CCDC7: variants seen among roughly 807,000 people sequenced by gnomAD.
CCDC7 encodes coiled-coil domain containing 7.
Under a neutral mutation model 196.9 loss-of-function variants are expected in CCDC7, and 183 were observed. The observed-to-expected ratio is 0.93, with a 90% CI of 0.82 to 1.05. The LOEUF is 1.05. CCDC7 is among the 50% of genes least tolerant of loss of function. CCDC7 has a pLI of 0.00. For synonymous variants in CCDC7, 525 were observed against 484.6 expected (o/e 1.08, Z -1.10); for missense variants, 1,540 against 1,482.2 (o/e 1.04, Z -0.64).
intron 28 of CCDC7, among the ~76,000 whole-genome samples, chr10:32,769,597 C>T (rs1435212148): frequency 6.6e-6 from 1 of 152,080 alleles, no homozygotes; most frequent in East Asian, 1.9e-4. Context: ...CCGTCATCTA[C>T]ATTAGGTATT....
intron 25 of CCDC7, chr10:32,725,500 T>C: frequency 2.3e-6 from 1 of 425,912 alleles, no homozygotes; most frequent in African/African-American, 2.1e-5. Context: ...ATTGAATTAA[T>C]TTTATTTTTA....
At chr10:32,569,696 G>T (rs1387906184) in intron 15 of CCDC7, among the ~76,000 whole-genome samples, 1 of 152,080 alleles carries the variant, frequency 6.6e-6, no homozygotes, top group African/African-American at 2.4e-5. Flanking sequence ...CCAAAATGCT[G>T]GGATTACAGG....
rs117607356 is a variant in CCDC7 at position 32,480,023 on chromosome 10, G to T, written c.796+6000G>T. Among the ~76,000 whole-genome samples, 834 of 151,794 alleles carry T rather than the reference G, an allele frequency of 5.5e-3. 4 individuals carry two copies. The highest frequency in any genetic ancestry group is 9.4e-3 in the Non-Finnish European group (639 of 67,872). On this transcript the variant is annotated intron_variant, in intron 8 of 41. Transcript: ENST00000639629. ...ATGTTCACAGTAGTCTTTATCCTTT[G>T]TATTTTTGTGGTATCAGTTATTATG...
rs137860408 is a variant in CCDC7 at position 32,827,541 on chromosome 10, G to A, written c.3268+2937G>A. 8.1e-4 allele frequency among the ~76,000 whole-genome samples: 123 copies of A among 151,772 alleles called. 1 individual carries two copies. Among genetic ancestry groups the A allele is most frequent in the African/African-American group, 2.7e-3 (111 of 41,382 alleles). ...CTCTGACCAAGGCACTCAATTTACGGCTAAAGAAGTGCGGCAGTAGCGTGT... is the reference window on the plus strand; with the variant it reads ...CTCTGACCAAGGCACTCAATTTACGACTAAAGAAGTGCGGCAGTAGCGTGT... On this transcript the variant is annotated intron_variant, in intron 32 of 41. Transcript: ENST00000639629.
At chr10:32,613,594 G>C (rs1428895431) in intron 18 of CCDC7, among the ~76,000 whole-genome samples, 1 of 152,170 alleles carries the variant, frequency 6.6e-6, no homozygotes, top group Admixed American at 6.5e-5. Flanking sequence ...CTGTGTCCCA[G>C]AGATTCTGGT....
chr10:32,542,056 C>T (rs1474654855), intron 11 of CCDC7, among the ~76,000 whole-genome samples: 2 of 152,168 alleles, frequency 1.3e-5, no homozygotes, highest in African/African-American at 4.8e-5. Flanking sequence ...TCACTAGCCC[C>T]TTTTGTTTCT....
chr10:32,601,153 A>G lies in CCDC7; in HGVS notation c.1801+16849A>G, dbSNP rs189434698. Among the ~76,000 whole-genome samples, 343 of 152,244 alleles carry G rather than the reference A, an allele frequency of 2.3e-3. 2 individuals carry two copies. The highest frequency in any genetic ancestry group is 4.5e-3 in the Admixed American group (69 of 15,286). ...AGTAGCATGATCTCCGCTCACTGCA[A>G]CCTCTGCCCCTGAGGTTCAAGTGAT... is the stretch of plus-strand genomic sequence containing the variant. On this transcript the variant is annotated intron_variant, in intron 18 of 41. Coordinates refer to ENST00000639629, the Ensembl canonical transcript of CCDC7.
intron 24 of CCDC7, among the ~76,000 whole-genome samples, chr10:32,702,281 A>G (rs949011710): frequency 9.2e-5 from 14 of 152,100 alleles, no homozygotes; most frequent in African/African-American, 3.1e-4. Context: ...TTGTGTACCT[A>G]GTAGTCATTC....
chr10:32,590,281 A>G (rs1281299125), intron 18 of CCDC7, among the ~76,000 whole-genome samples: 1 of 152,028 alleles, frequency 6.6e-6, no homozygotes, highest in Admixed American at 6.6e-5. Flanking sequence ...CATATAACCC[A>G]TTATTTTAAA....
At chr10:32,791,548 C>A (rs2082701752) in intron 29 of CCDC7, among the ~76,000 whole-genome samples, 1 of 150,640 alleles carries the variant, frequency 6.6e-6, no homozygotes, top group Non-Finnish European at 1.5e-5. Context: ...AGGAGATAAA[C>A]AGAAATCTTG....
chr10:32,690,668 T>G (rs1055981636), intron 23 of CCDC7, among the ~76,000 whole-genome samples: 2 of 152,200 alleles, frequency 1.3e-5, no homozygotes, highest in Non-Finnish European at 2.9e-5. Flanking sequence ...ACAACAGCCT[T>G]TCTGTTTCTT....
At chr10:32,853,364 T>G (rs942305089) in intron 40 of CCDC7, among the ~76,000 whole-genome samples, 15 of 152,264 alleles carry the variant, frequency 9.9e-5, no homozygotes, top group Middle Eastern at 6.8e-3. Context: ...CATAAAATAT[T>G]TTAAAATTTT....
At chr10:32,874,733 T>C (rs1002522280) in intron 41 of CCDC7, among the ~76,000 whole-genome samples, 2 of 140,308 alleles carry the variant, frequency 1.4e-5, no homozygotes, top group East Asian at 2.1e-4. Context: ...TTTATATATA[T>C]ACACACACAC....
intron 29 of CCDC7, among the ~76,000 whole-genome samples, chr10:32,787,836 C>T (rs555784677): frequency 1.1e-4 from 17 of 152,200 alleles, no homozygotes; most frequent in Non-Finnish European, 1.9e-4. Flanking sequence ...GCTTCAGGCT[C>T]GCCCCTATTC....
At position 32,720,469 on chromosome 10, in the gene CCDC7, C is replaced by T. The variant is rs187480557; in HGVS notation, c.2570-6265C>T. ...GGATAGCATTAGGAGAAATACCTAACGTAGATGATGGGTTGATGGGTGCAG... is the reference window on the plus strand; with the variant it reads ...GGATAGCATTAGGAGAAATACCTAATGTAGATGATGGGTTGATGGGTGCAG... On this transcript the variant is annotated intron_variant, in intron 25 of 41. Transcript: ENST00000639629. Among the ~76,000 whole-genome samples, 136 of 152,058 alleles carry T rather than the reference C, an allele frequency of 8.9e-4. 1 individual carries two copies. Among genetic ancestry groups the T allele is most frequent in the African/African-American group, 2.9e-3 (119 of 41,472 alleles).
At chr10:32,627,052 T>A (rs536408762) in intron 18 of CCDC7, among the ~76,000 whole-genome samples, 70 of 151,882 alleles carry the variant, frequency 4.6e-4, no homozygotes, top group Non-Finnish European at 7.5e-4. Context: ...TTTTTTGTGG[T>A]TCCATATGAA....
chr10:32,586,194 AT>A (rs2059255794), intron 18 of CCDC7, among the ~76,000 whole-genome samples: 1 of 152,092 alleles, frequency 6.6e-6, no homozygotes, highest in Non-Finnish European at 1.5e-5. Context: ...GTCTGTTCAT[AT>A]CCTTCGCCCA....
chr10:32,704,327 A>C (rs2079314786), intron 24 of CCDC7, among the ~76,000 whole-genome samples: 1 of 152,096 alleles, frequency 6.6e-6, no homozygotes, highest in Admixed American at 6.5e-5. Context: ...AACAGTGGAT[A>C]TTGGTGATCA....
At chr10:32,709,361 C>G (rs1255655551) in intron 24 of CCDC7, among the ~76,000 whole-genome samples, 1 of 151,480 alleles carries the variant, frequency 6.6e-6, no homozygotes, top group Non-Finnish European at 1.5e-5. Context: ...AAGAGATATA[C>G]CTAATGTAAA....
Sources: allele counts gnomAD v4.1 joint callset (sites outside exome capture counted in the v4.1 genomes callset), GRCh38; gene constraint gnomAD v4.1.1; transcripts MANE v1.5; gene names NCBI Gene and HGNC (gene_info 2026-07-23, HGNC 2026-07-21).